The following FMNL2 variants were observed in gnomAD, a reference collection of about 807,000 sequenced individuals.
FMNL2 encodes the protein formin like 2.
Under a neutral mutation model 130.2 loss-of-function variants are expected in FMNL2, and 51 were observed. The ratio of observed to expected loss-of-function variants is 0.39; its 90% CI spans 0.31 to 0.49. The LOEUF is 0.49. FMNL2 is among the 20% of genes least tolerant of loss of function. The pLI, the probability that FMNL2 is intolerant of heterozygous loss-of-function variation, is 0.85. For synonymous variants in FMNL2, 465 were observed against 467.1 expected (o/e 1.00, Z 0.06); for missense variants, 977 against 1,316.2 (o/e 0.74, Z 3.99).
At position 152,619,679 on chromosome 2, in the gene FMNL2, A is replaced by G. The variant is rs1446259560; in HGVS notation, c.1798A>G (p.Thr600Ala). The G allele has an allele frequency of 1.7e-5, 27 of 1,612,396 alleles. No homozygotes were observed. The highest frequency in any genetic ancestry group is 2.3e-5 in the Non-Finnish European group (27 of 1,179,568). ...TCCCTCTGCACCTCCGCTGCCTGGA[A>G]CATCTTCACCCACAGTGGTTTTCAA... ...PLPSAPPLPG[T>A]SSPTVVFNSG... Residue 600 changes from threonine to alanine, a missense_variant, in exon 15 of 26, where the codon ACA (threonine) becomes GCA (alanine). This residue lies in a region of FMNL2 where 689 missense variants were observed against 995.9 expected (regional missense o/e 0.69). Coordinates refer to ENST00000288670, the MANE Select transcript of FMNL2 (RefSeq NM_052905.4).
chr2:152,534,776 G>A (rs894244925), intron 2 of FMNL2, among the ~76,000 whole-genome samples: 1 of 152,048 alleles, frequency 6.6e-6, no homozygotes, highest in African/African-American at 2.4e-5. Flanking sequence ...GGATGTTTTG[G>A]TCAGGAAAGA....
intron 1 of FMNL2, among the ~76,000 whole-genome samples, chr2:152,348,738 T>C (rs901029735): frequency 2.6e-5 from 4 of 151,692 alleles, no homozygotes; most frequent in Admixed American, 2.6e-4. Flanking sequence ...TAAGTTTAAA[T>C]GGGCAGCGTT....
chr2:152,586,512 A>G (rs970095776), intron 9 of FMNL2, among the ~76,000 whole-genome samples: 1 of 152,174 alleles, frequency 6.6e-6, no homozygotes, highest in Non-Finnish European at 1.5e-5. Flanking sequence ...CCTCCCAAGC[A>G]TTTGAGGGTA....
chr2:152,623,116 T>C (rs1463803207), intron 15 of FMNL2, among the ~76,000 whole-genome samples: 1 of 152,190 alleles, frequency 6.6e-6, no homozygotes, highest in Non-Finnish European at 1.5e-5. Flanking sequence ...CTGACCTTGC[T>C]AAATAGTTAG....
At chr2:152,534,428 A>G (rs1693873952) in intron 2 of FMNL2, among the ~76,000 whole-genome samples, 1 of 152,210 alleles carries the variant, frequency 6.6e-6, no homozygotes, top group Admixed American at 6.5e-5. Context: ...AGATAAGCCA[A>G]TTAATTTAAC....
intron 10 of FMNL2, among the ~76,000 whole-genome samples, chr2:152,611,033 A>C (rs1698649336): frequency 6.6e-6 from 1 of 152,178 alleles, no homozygotes; most frequent in Non-Finnish European, 1.5e-5. Flanking sequence ...TTGAATTTAA[A>C]AATAAGTATA....
At chr2:152,493,771 T>C (rs368748872) in intron 1 of FMNL2, among the ~76,000 whole-genome samples, 7 of 152,322 alleles carry the variant, frequency 4.6e-5, no homozygotes, top group African/African-American at 1.4e-4. Flanking sequence ...CAATGCTTTG[T>C]GTACAGCCCA....
intron 1 of FMNL2, among the ~76,000 whole-genome samples, chr2:152,421,415 TG>T: frequency 6.6e-6 from 1 of 152,336 alleles, no homozygotes; most frequent in Admixed American, 6.5e-5. Flanking sequence ...GCAACCGTGT[TG>T]GGACAACAAA....
At chr2:152,494,491 T>C (rs1370039338) in intron 1 of FMNL2, among the ~76,000 whole-genome samples, 3 of 152,230 alleles carry the variant, frequency 2.0e-5, no homozygotes, top group Non-Finnish European at 4.4e-5. Context: ...GATTGTGTTT[T>C]TCCTGTCTTG....
chr2:152,595,478 C>G lies in FMNL2; in HGVS notation c.877-11861C>G, dbSNP rs545104203. The stretch of plus-strand genomic sequence containing the variant: ...TGGGACTACAGACACGCCACCACGC[C>G]CAGCTAATTTTTGTATTTTTAGTAG... On this transcript the variant is annotated intron_variant, in intron 9 of 25. Transcript: ENST00000288670. Among the ~76,000 whole-genome samples the G allele has an allele frequency of 1.3e-3, 194 of 152,170 alleles. 1 individual carries two copies. The highest frequency in any genetic ancestry group is 4.5e-3 in the African/African-American group (186 of 41,508).
rs1452325350 is a variant in FMNL2, at chr2:152,363,082, T to C, written c.117+27362T>C. Among the ~76,000 whole-genome samples the C allele has an allele frequency of 2.0e-5, 3 of 152,210 alleles. No individual in the cohort carries two copies. The East Asian group carries it at 5.8e-4, about 29-fold the overall frequency. On this transcript the variant is annotated intron_variant, in intron 1 of 25. Transcript: ENST00000288670. Reference sequence around the variant, plus strand: ...AGCTGAAGGGTTCAAGGTTTCTCACTGAAGCGATGAAAATGTTCTAAAATT... The same window carrying C: ...AGCTGAAGGGTTCAAGGTTTCTCACCGAAGCGATGAAAATGTTCTAAAATT...
At chr2:152,485,590 G>A (rs1011570720) in intron 1 of FMNL2, among the ~76,000 whole-genome samples, 2 of 152,020 alleles carry the variant, frequency 1.3e-5, no homozygotes, top group African/African-American at 4.8e-5. Flanking sequence ...AACTGGTTTT[G>A]TGTGTGTGTG....
intron 1 of FMNL2, among the ~76,000 whole-genome samples, chr2:152,518,132 A>C (rs1692880017): frequency 6.6e-6 from 1 of 152,210 alleles, no homozygotes; most frequent in African/African-American, 2.4e-5. Flanking sequence ...TGAACAGCAC[A>C]AGAGGAATGA....
chr2:152,528,826 C>T (rs1426704915), intron 2 of FMNL2, among the ~76,000 whole-genome samples: 3 of 152,166 alleles, frequency 2.0e-5, no homozygotes, highest in East Asian at 1.9e-4. Flanking sequence ...TCAAATTCTA[C>T]ACAATCAGGG....
chr2:152,392,958 G>A (rs141473469), intron 1 of FMNL2, among the ~76,000 whole-genome samples: 217 of 152,218 alleles, frequency 1.4e-3, no homozygotes, highest in African/African-American at 5.0e-3. Flanking sequence ...TTTTGTCAGT[G>A]ACTGTGTCCC....
chr2:152,491,060 T>C (rs536845167), intron 1 of FMNL2, among the ~76,000 whole-genome samples: 21 of 152,218 alleles, frequency 1.4e-4, no homozygotes, highest in African/African-American at 5.1e-4. Flanking sequence ...GCCCAGGTGG[T>C]TGGGTGATGC....
At chr2:152,399,197 C>T (rs1170710381) in intron 1 of FMNL2, among the ~76,000 whole-genome samples, 1 of 152,156 alleles carries the variant, frequency 6.6e-6, no homozygotes, top group South Asian at 2.1e-4. Flanking sequence ...AGGGTTGCCA[C>T]GTGGCAGTGG....
chr2:152,613,613 AT>A (rs1187853045), intron 11 of FMNL2, among the ~76,000 whole-genome samples: 1 of 152,194 alleles, frequency 6.6e-6, no homozygotes, highest in Non-Finnish European at 1.5e-5. Flanking sequence ...AAAATGTAAG[AT>A]TTTTTGTCAA....
chr2:152,505,551 G>A (rs6725661), intron 1 of FMNL2, among the ~76,000 whole-genome samples: 132,718 of 152,190 alleles, frequency 0.87, 58,151 homozygotes, highest in Admixed American at 0.93. Flanking sequence ...TATTATTACA[G>A]GTTATCAACA....
Sources: gnomAD v4.1 joint callset for allele counts (sites outside exome capture counted in the v4.1 genomes callset) on GRCh38, gnomAD v4.1.1 for gene constraint, gnomAD v4.1.1 regional missense constraint, MANE v1.5 for transcripts, NCBI Gene and HGNC (gene_info 2026-07-23, HGNC 2026-07-21) for gene names.